Variants in RBFOX3 observed in about 807,000 individuals in gnomAD.
RBFOX3 encodes the protein RNA binding fox-1 homolog 3, also known as RNA binding protein fox-1 homolog 3.
Under a neutral mutation model 48.7 loss-of-function variants are expected in RBFOX3, and 17 were observed. The observed-to-expected ratio is 0.35, with a 90% CI of 0.24 to 0.52. RBFOX3 has a LOEUF of 0.52. RBFOX3 is among the 20% of genes least tolerant of loss of function. The pLI, the probability that RBFOX3 is intolerant of heterozygous loss-of-function variation, is 0.94. For synonymous variants in RBFOX3, 212 were observed against 209.5 expected (o/e 1.01, Z -0.10); for missense variants, 382 against 497.5 (o/e 0.77, Z 2.21).
At chr17:79,169,698 G>A (rs888590402) in intron 4 of RBFOX3, among the ~76,000 whole-genome samples, 6 of 152,212 alleles carry the variant, frequency 3.9e-5, no homozygotes, top group Non-Finnish European at 8.8e-5. Flanking sequence ...CGGGTGGGCT[G>A]GGAGGCTGCC....
intron 4 of RBFOX3, among the ~76,000 whole-genome samples, chr17:79,155,084 G>A (rs539102532): frequency 1.3e-5 from 2 of 152,222 alleles, no homozygotes; most frequent in Admixed American, 6.5e-5. Context: ...GCCACGGCAC[G>A]TGAGCTCGGC....
rs60345819 is a variant in RBFOX3 at position 79,487,913 on chromosome 17, G to GAAAA, written c.-319-5319_-319-5316dup. Reference sequence around the variant, plus strand: ...GGTGACAGAGCAAGACCCCATCTCAGAAAAAAAAAAAAAAAAATTCCTGGG... The same window carrying GAAAA: ...GGTGACAGAGCAAGACCCCATCTCAGAAAAAAAAAAAAAAAAAAAAATTCCTGGG... On this transcript the variant is annotated intron_variant, in intron 1 of 14. Coordinates refer to ENST00000693108, the MANE Select transcript of RBFOX3 (RefSeq NM_001350451.2). 5.1e-4 allele frequency among the ~76,000 whole-genome samples: 39 copies of GAAAA among 76,914 alleles called. 1 individual carries two copies. The highest frequency in any genetic ancestry group is 1.0e-3 in the Admixed American group (5 of 4,978). 50.5% of individuals were successfully genotyped at this position (76,914 alleles called of 152,430 possible).
chr17:79,479,540 A>G lies in RBFOX3; in HGVS notation c.-175+2914T>C, dbSNP rs909782314. Among the ~76,000 whole-genome samples the G allele has an allele frequency of 5.9e-5, 9 of 152,150 alleles. No homozygotes were observed. The highest frequency in any genetic ancestry group is 1.2e-4 in the Non-Finnish European group (8 of 68,020). ...TGAAAGGCAGATTCCTCACTTCACA[A>G]TTCAGAGCACACCTTTGGAATCAAC... On this transcript the variant is annotated intron_variant, in intron 2 of 14. Transcript: ENST00000693108. This position sits in a 1 kb window ranked among gnomAD's most constrained non-coding sequence, Gnocchi z 5.1.
intron 4 of RBFOX3, among the ~76,000 whole-genome samples, chr17:79,178,718 T>C (rs1190347205): frequency 6.6e-6 from 1 of 152,222 alleles, no homozygotes; most frequent in Non-Finnish European, 1.5e-5. Flanking sequence ...GTCTCACCTG[T>C]ACGGATGCGT....
chr17:79,570,902 C>A (rs1009196344), intron 1 of RBFOX3, among the ~76,000 whole-genome samples: 1 of 152,160 alleles, frequency 6.6e-6, no homozygotes, highest in Non-Finnish European at 1.5e-5. Context: ...TGTCATGTCT[C>A]AGGAAGGATG....
intron 5 of RBFOX3, among the ~76,000 whole-genome samples, chr17:79,113,424 T>C (rs567769955): frequency 2.2e-4 from 33 of 152,114 alleles, no homozygotes; most frequent in Non-Finnish European, 4.1e-4. Context: ...TCATGGAGGA[T>C]GACTCTCTCC....
At chr17:79,152,264 C>G (rs1408797087) in intron 4 of RBFOX3, among the ~76,000 whole-genome samples, 1 of 152,130 alleles carries the variant, frequency 6.6e-6, no homozygotes, top group African/African-American at 2.4e-5. Flanking sequence ...CTGGCCACCC[C>G]CGGGGCGAGA....
chr17:79,287,348 G>A (rs1291781015), intron 3 of RBFOX3, among the ~76,000 whole-genome samples: 3 of 152,122 alleles, frequency 2.0e-5, no homozygotes, highest in Non-Finnish European at 2.9e-5. Context: ...GGTGCAGCAT[G>A]TCTGTGCAAA....
At chr17:79,180,380 ACTACGTCTCCT>A (rs2051621943) in intron 4 of RBFOX3, among the ~76,000 whole-genome samples, 1 of 152,226 alleles carries the variant, frequency 6.6e-6, no homozygotes, top group Admixed American at 6.5e-5. Context: ...TGTGCCTCAA[ACTACGTCTCCT>A]GTCTTGCTTG....
intron 2 of RBFOX3, among the ~76,000 whole-genome samples, chr17:79,460,580 C>T (rs2149258427): frequency 6.6e-6 from 1 of 152,308 alleles, no homozygotes; most frequent in Non-Finnish European, 1.5e-5. Flanking sequence ...AAATATGTCT[C>T]CTGAAGTTCA....
At chr17:79,582,782 CAAAAAAAAAAAAAAA>C (rs36155299) in intron 1 of RBFOX3, among the ~76,000 whole-genome samples, 4 of 46,898 alleles carry the variant, frequency 8.5e-5, no homozygotes, top group Admixed American at 3.0e-4. Flanking sequence ...GACCCCGTCT[CAAAAAAAAAAAAAAA>C]AAAAAAAAAA....
intron 3 of RBFOX3, among the ~76,000 whole-genome samples, chr17:79,281,441 G>C (rs141360782): frequency 6.7e-4 from 101 of 151,760 alleles, no homozygotes; most frequent in African/African-American, 2.0e-3. Flanking sequence ...GATGCATGTG[G>C]TTAGCTTAGA....
At chr17:79,122,741 G>A (rs1480648990) in intron 4 of RBFOX3, among the ~76,000 whole-genome samples, 2 of 152,166 alleles carry the variant, frequency 1.3e-5, no homozygotes, top group Non-Finnish European at 2.9e-5. Context: ...ATATGGAGGA[G>A]ATATCTGCAT....
intron 3 of RBFOX3, among the ~76,000 whole-genome samples, chr17:79,286,768 A>G (rs974740847): frequency 6.6e-6 from 1 of 152,186 alleles, no homozygotes; most frequent in Non-Finnish European, 1.5e-5. Context: ...TTAACATAGA[A>G]GCTGGAGAGG....
chr17:79,293,087 A>G (rs2073658569), intron 3 of RBFOX3, among the ~76,000 whole-genome samples: 1 of 152,082 alleles, frequency 6.6e-6, no homozygotes, highest in Non-Finnish European at 1.5e-5. Flanking sequence ...CCTCATATGT[A>G]TATTATATTT....
At chr17:79,331,963 T>G (rs1245661835) in intron 2 of RBFOX3, among the ~76,000 whole-genome samples, 2 of 152,202 alleles carry the variant, frequency 1.3e-5, no homozygotes, top group East Asian at 1.9e-4. Context: ...ACGATGACAG[T>G]CACTTCCTGC....
At position 79,585,358 on chromosome 17, in the gene RBFOX3, C is replaced by T. The variant is rs1051718937; in HGVS notation, c.-320+25468G>A. Among the ~76,000 whole-genome samples the T allele has an allele frequency of 8.6e-5, 13 of 151,792 alleles. 1 individual carries two copies. The highest frequency in any genetic ancestry group is 7.2e-4 in the Admixed American group (11 of 15,254). On this transcript the variant is annotated intron_variant, in intron 1 of 14. Coordinates refer to ENST00000693108, the MANE Select transcript of RBFOX3 (RefSeq NM_001350451.2). ...ATCACCTAAGGTCAGTAGTCCGAGA[C>T]CAGCCTGGCCAACATGGTGAAACCC...
chr17:79,650,271 A>G, the RBFOX3 span, among the ~76,000 whole-genome samples: 4 of 152,200 alleles, frequency 2.6e-5, no homozygotes, highest in East Asian at 7.8e-4. Flanking sequence ...AACAGAATGA[A>G]TTAGAGAGTA....
intron 4 of RBFOX3, among the ~76,000 whole-genome samples, chr17:79,173,963 C>T (rs892648768): frequency 6.6e-6 from 1 of 152,010 alleles, no homozygotes; most frequent in African/African-American, 2.4e-5. Flanking sequence ...ACCCTTGACT[C>T]CAGGGTCACT....
Sources: gnomAD v4.1 joint callset for allele counts (sites outside exome capture counted in the v4.1 genomes callset) on GRCh38, gnomAD v4.1.1 for gene constraint, Gnocchi (gnomAD v3.1) non-coding constraint, MANE v1.5 for transcripts, NCBI Gene and HGNC (gene_info 2026-07-23, HGNC 2026-07-21) for gene names.